The following PHF3 variants were observed in gnomAD, a reference collection of about 807,000 sequenced individuals.
The protein encoded by PHF3 is PHD finger protein 3.
A neutral mutation model predicts 178.4 loss-of-function variants in PHF3; 41 were observed. The observed-to-expected ratio is 0.23, with a 90% CI of 0.18 to 0.30. PHF3 has a LOEUF of 0.30. Among genes scored for constraint, PHF3 ranks in the 10% least tolerant of loss-of-function variants. The pLI, the probability that PHF3 is intolerant of heterozygous loss-of-function variation, is 1.00. For missense variants in PHF3, 2,346 were observed against 2,398.1 expected (o/e 0.98, Z 0.45); for synonymous variants, 842 against 800.5 (o/e 1.05, Z -0.88).
intron 11 of PHF3, among the ~76,000 whole-genome samples, chr6:63,704,753 A>G (rs1205456170): frequency 6.6e-6 from 1 of 152,066 alleles, no homozygotes; most frequent in Non-Finnish European, 1.5e-5. Context: ...CTTTGGGTAA[A>G]TACCATGGAG....
rs1768190808 is a variant in PHF3 at position 63,716,376 on chromosome 6, T to C, written c.*2668T>C. ...ATAGCCCTCTTTCTTTGCGTTCCAC[T>C]GAACTGTCTGAAACCCTTCACTGAG... On this transcript the variant is annotated 3_prime_UTR_variant, in exon 16 of 16. Transcript: ENST00000262043. 2.0e-5 allele frequency among the ~76,000 whole-genome samples: 3 copies of C among 152,178 alleles called. No individual in the cohort carries two copies. Among genetic ancestry groups the C allele is most frequent in the Non-Finnish European group, 2.9e-5 (2 of 68,010 alleles).
chr6:63,687,441 C>T (rs1224605739), intron 4 of PHF3, among the ~76,000 whole-genome samples: 1 of 152,162 alleles, frequency 6.6e-6, no homozygotes, highest in Non-Finnish European at 1.5e-5. Flanking sequence ...GAACACATTA[C>T]TCAAATATTC....
intron 2 of PHF3, among the ~76,000 whole-genome samples, chr6:63,647,770 G>A (rs559467916): frequency 5.9e-5 from 9 of 152,066 alleles, no homozygotes; most frequent in African/African-American, 1.4e-4. Context: ...TACTGTAAAC[G>A]TTGTGGCAAT....
chr6:63,707,817 T>C (rs891902388), intron 13 of PHF3, among the ~76,000 whole-genome samples: 1 of 151,938 alleles, frequency 6.6e-6, no homozygotes, highest in Non-Finnish European at 1.5e-5. Context: ...TTATGTAATA[T>C]TGATCAGTTT....
In PHF3 at chr6:63,721,692, C is replaced by A. The variant is rs1206871454; in HGVS notation, c.*7984C>A. ...TGCTTTTATTATATGCCAAGTACTTCCGTTTATAGTTACTTTTTGGAGAGT... is the reference window on the plus strand; with the variant it reads ...TGCTTTTATTATATGCCAAGTACTTACGTTTATAGTTACTTTTTGGAGAGT... On this transcript the variant is annotated 3_prime_UTR_variant, in exon 16 of 16. Coordinates refer to ENST00000262043, the MANE Select transcript of PHF3 (RefSeq NM_001370348.2). The A allele has an allele frequency of 6.4e-7, 1 of 1,551,390 alleles. No individual in the cohort carries two copies. Among genetic ancestry groups the A allele is most frequent in the South Asian group, 1.2e-5 (1 of 84,052 alleles).
chr6:63,665,644 C>T (rs896836424), intron 2 of PHF3, among the ~76,000 whole-genome samples: 20 of 152,058 alleles, frequency 1.3e-4, no homozygotes, highest in Non-Finnish European at 4.4e-5. Context: ...TGCCACCACA[C>T]CTGGCTAATA....
intron 12 of PHF3, 40 bp downstream of exon 12, chr6:63,706,264 G>GA: frequency 6.8e-7 from 1 of 1,462,536 alleles, no homozygotes; most frequent in Non-Finnish European, 9.3e-7. Context: ...ACTCATTATA[G>GA]ATCTTTGCCA....
chr6:63,638,247 A>G (rs1005742571), intron 1 of PHF3, among the ~76,000 whole-genome samples: 49 of 152,270 alleles, frequency 3.2e-4, no homozygotes, highest in African/African-American at 1.2e-3. Flanking sequence ...TGTATTACTT[A>G]TAAAAGTTGG....
In PHF3 at chr6:63,714,938, C is replaced by A. The variant is rs1045889808; in HGVS notation, c.*1230C>A. On this transcript the variant is annotated 3_prime_UTR_variant, in exon 16 of 16. Transcript: ENST00000262043. ...CTAAATTTATTTAAACCCTAAAACACATGGTTTTGATGGCTGTAATTTAAA... is the reference window on the plus strand; with the variant it reads ...CTAAATTTATTTAAACCCTAAAACAAATGGTTTTGATGGCTGTAATTTAAA... The A allele has an allele frequency of 1.3e-5, 2 of 151,596 alleles. No homozygotes were observed. The highest frequency in any genetic ancestry group is 4.8e-5 in the African/African-American group (2 of 41,294). The allele number at this position is 151,596 out of a possible 1,614,324, so 9.4% of individuals were successfully genotyped here. A position where few individuals can be genotyped will look rare whatever the true frequency, so the allele number is the denominator to read the frequency against.
Position 63,685,492 on chromosome 6 carries a change from G to A in PHF3, c.1770G>A (p.Lys590=), listed in dbSNP as rs1310571910. 6 of 1,614,014 alleles carry A rather than the reference G, an allele frequency of 3.7e-6. No individual in the cohort carries two copies. The highest frequency in any genetic ancestry group is 5.1e-6 in the Non-Finnish European group (6 of 1,180,008). Residue 590 remains lysine (K), a synonymous_variant, in exon 4 of 16, where the codon AAG becomes AAA. Transcript: ENST00000262043. The part of the protein sequence containing the change: ...LQDQTLVQIF[K]PLTHSLSDKS... ...ATCAAACTTTAGTACAAATTTTCAA[G>A]CCCTTAACTCATTCTTTGAGTGATA... is the stretch of plus-strand genomic sequence containing the variant.
At chr6:63,692,670 C>T (rs967546328) in intron 5 of PHF3, among the ~76,000 whole-genome samples, 14 of 152,266 alleles carry the variant, frequency 9.2e-5, no homozygotes, top group South Asian at 2.1e-4. Context: ...ACGCAAAGAA[C>T]ATGAATCTTA....
intron 2 of PHF3, among the ~76,000 whole-genome samples, chr6:63,676,771 G>T (rs1458215044): frequency 6.6e-6 from 1 of 152,182 alleles, no homozygotes; most frequent in African/African-American, 2.4e-5. Flanking sequence ...TATTTTAGAA[G>T]GATCACAGTG....
At chr6:63,680,439 C>G (rs1766386188) in intron 3 of PHF3, among the ~76,000 whole-genome samples, 1 of 132,050 alleles carries the variant, frequency 7.6e-6, no homozygotes, top group African/African-American at 2.9e-5. Context: ...ACCTTTATAG[C>G]TCTAGGTAAC....
rs1309540911 is a variant in PHF3 at position 63,724,218 on chromosome 6, A to G, written c.*10510A>G. Among the ~76,000 whole-genome samples the G allele has an allele frequency of 6.6e-6, 1 of 152,142 alleles. No individual in the cohort carries two copies. The highest frequency in any genetic ancestry group is 1.5e-5 in the Non-Finnish European group (1 of 68,024). ...ACTTTGGCTATTTAATGCCCACTCA[A>G]CCATGGCTGAGGCTTCTCCCACCTT... On this transcript the variant is annotated 3_prime_UTR_variant, in exon 16 of 16. Coordinates refer to ENST00000262043, the MANE Select transcript of PHF3 (RefSeq NM_001370348.2).
intron 4 of PHF3, chr6:63,686,173 TAGAC>T (rs769500434): frequency 9.8e-6 from 4 of 409,642 alleles, no homozygotes; most frequent in African/African-American, 4.1e-5. Flanking sequence ...TGTCACAGGT[TAGAC>T]AGTGTAATTT....
chr6:63,646,267 TAATG>T (rs911920885), intron 1 of PHF3, among the ~76,000 whole-genome samples: 11 of 152,108 alleles, frequency 7.2e-5, no homozygotes, highest in Non-Finnish European at 1.5e-4. Flanking sequence ...TTCCTAAAAA[TAATG>T]AACTGAGTAA....
chr6:63,654,143 T>C (rs911826177), intron 2 of PHF3, among the ~76,000 whole-genome samples: 20 of 152,208 alleles, frequency 1.3e-4, no homozygotes, highest in African/African-American at 4.8e-4. Context: ...CAGAATGGGT[T>C]AGGAAGAATT....
At chr6:63,674,156 C>G (rs1320698502) in intron 2 of PHF3, among the ~76,000 whole-genome samples, 1 of 151,470 alleles carries the variant, frequency 6.6e-6, no homozygotes, top group African/African-American at 2.4e-5. Flanking sequence ...TTTTAGTAAC[C>G]ATGTTTCTTT....
chr6:63,705,999 T>C (rs761837665), intron 11 of PHF3, 30 bp from the exon 12 acceptor site: 1 of 1,533,260 alleles, frequency 6.5e-7, no homozygotes, highest in Non-Finnish European at 8.8e-7. Context: ...TAGTTAACAG[T>C]TGGTTTCTTT....
Sources: allele counts gnomAD v4.1 joint callset (sites outside exome capture counted in the v4.1 genomes callset), GRCh38; gene constraint gnomAD v4.1.1; transcripts MANE v1.5; gene names NCBI Gene and HGNC (gene_info 2026-07-23, HGNC 2026-07-21).